GPHN: variants seen among roughly 807,000 people sequenced by gnomAD.
GPHN encodes the protein gephyrin.
A neutral mutation model predicts 95.5 loss-of-function variants in GPHN; 17 were observed. The ratio of observed to expected loss-of-function variants is 0.18; its 90% CI spans 0.12 to 0.27. The LOEUF (loss-of-function observed/expected upper bound fraction) is 0.27, where lower values mean the gene tolerates loss of function less well. Ranked by LOEUF, GPHN falls within the 10% of genes least tolerant of loss-of-function variation. GPHN has a pLI of 1.00. For missense variants in GPHN, 660 were observed against 978.1 expected, an observed-to-expected ratio of 0.67 and a Z score of 4.34; for synonymous variants, 320 against 322.5, an observed-to-expected ratio of 0.99 and a Z score of 0.08.
chr14:67,018,544 A>G (rs1047012975), intron 9 of GPHN, among the ~76,000 whole-genome samples: 1 of 152,224 alleles, frequency 6.6e-6, no homozygotes, highest in African/African-American at 2.4e-5. Context: ...GCCTTAGATT[A>G]TATGGCTTGC....
the GPHN span, among the ~76,000 whole-genome samples, chr14:67,321,465 T>C: frequency 3.3e-5 from 5 of 152,184 alleles, no homozygotes; most frequent in African/African-American, 4.8e-5. Context: ...TACTTACATA[T>C]ACAGGTTGAC....
the GPHN span, among the ~76,000 whole-genome samples, chr14:67,354,502 C>T: frequency 6.6e-6 from 1 of 152,036 alleles, no homozygotes; most frequent in East Asian, 1.9e-4. Flanking sequence ...AAAACACGTG[C>T]AAGGTTTAAA....
chr14:66,945,555 A>G (rs2153575675), intron 8 of GPHN, among the ~76,000 whole-genome samples: 1 of 152,352 alleles, frequency 6.6e-6, no homozygotes, highest in African/African-American at 2.4e-5. Context: ...GTACACCGGA[A>G]TCTCAGAAAT....
chr14:67,301,936 C>T, the GPHN span: 1 of 1,569,468 alleles, frequency 6.4e-7, no homozygotes, highest in Non-Finnish European at 8.6e-7. Context: ...ATAAATCATG[C>T]TGTTACTTAA....
the GPHN span, among the ~76,000 whole-genome samples, chr14:67,217,185 C>T: frequency 2.6e-5 from 4 of 150,990 alleles, no homozygotes; most frequent in African/African-American, 7.3e-5. Flanking sequence ...TTTACAGTTT[C>T]TGACATAAAT....
At chr14:67,026,152 G>A (rs1018378867) in intron 10 of GPHN, among the ~76,000 whole-genome samples, 3 of 152,108 alleles carry the variant, frequency 2.0e-5, no homozygotes, top group Admixed American at 2.0e-4. Context: ...GTATCTCTAT[G>A]CCTCACTTTC....
At chr14:67,288,512 A>G in the GPHN span, among the ~76,000 whole-genome samples, 1 of 152,194 alleles carries the variant, frequency 6.6e-6, no homozygotes, top group African/African-American at 2.4e-5. Flanking sequence ...TTACGAAGAA[A>G]ATTGTTTTAA....
intron 4 of GPHN, among the ~76,000 whole-genome samples, chr14:66,871,573 A>G (rs2063435257): frequency 6.6e-6 from 1 of 152,242 alleles, no homozygotes; most frequent in Non-Finnish European, 1.5e-5. Flanking sequence ...GTAAGTCTCA[A>G]AATCATAACA....
At chr14:66,691,270 C>T (rs891015871) in intron 2 of GPHN, among the ~76,000 whole-genome samples, 4 of 151,962 alleles carry the variant, frequency 2.6e-5, no homozygotes, top group Non-Finnish European at 2.9e-5. Context: ...CTGCAACGAC[C>T]GCCTCCTGGG....
chr14:67,502,975 C>T, the GPHN span, among the ~76,000 whole-genome samples: 1 of 152,032 alleles, frequency 6.6e-6, no homozygotes, highest in African/African-American at 2.4e-5. Context: ...ATATTAAAAA[C>T]TGAAGGGATA....
chr14:67,662,469 G>A, the GPHN span: 11 of 1,612,270 alleles, frequency 6.8e-6, no homozygotes, highest in Non-Finnish European at 5.1e-6. Context: ...TTTGTTCCTT[G>A]TTCTCACCGT....
chr14:67,124,694 A>T (rs372296936), intron 17 of GPHN, among the ~76,000 whole-genome samples: 31 of 152,280 alleles, frequency 2.0e-4, no homozygotes, highest in African/African-American at 7.2e-4. Flanking sequence ...CTCTGGCCCT[A>T]CCTCTAAGTG....
chr14:66,586,546 T>C (rs2061428453), intron 1 of GPHN, among the ~76,000 whole-genome samples: 1 of 152,228 alleles, frequency 6.6e-6, no homozygotes, highest in Admixed American at 6.5e-5. Flanking sequence ...TTTCCATATT[T>C]AGTGCTTCCT....
At chr14:66,770,501 T>G (rs1223274317) in intron 2 of GPHN, among the ~76,000 whole-genome samples, 2 of 152,160 alleles carry the variant, frequency 1.3e-5, no homozygotes, top group African/African-American at 4.8e-5. Context: ...ATGAAACCTA[T>G]AAACCATGAA....
chr14:66,773,546 G>T lies in GPHN; in HGVS notation c.144-2918G>T, dbSNP rs900483955. 2.0e-5 allele frequency among the ~76,000 whole-genome samples: 3 copies of T among 152,010 alleles called. No individual in the cohort carries two copies. The South Asian group carries it at 6.2e-4, about 32-fold the overall frequency. On this transcript the variant is annotated intron_variant, in intron 2 of 22. Transcript: ENST00000478722. Reference sequence around the variant, plus strand: ...TTTTTGTATTTTTAGTAGAGACGGGGTTTCACCATGTTGGTCAGGCTGGTC... The same window carrying T: ...TTTTTGTATTTTTAGTAGAGACGGGTTTTCACCATGTTGGTCAGGCTGGTC...
the GPHN span, chr14:67,201,808 A>T: frequency 3.8e-6 from 1 of 263,320 alleles, no homozygotes; most frequent in Middle Eastern, 1.4e-3. Context: ...TTTTAATTGA[A>T]CCAATTATCA....
intron 5 of GPHN, among the ~76,000 whole-genome samples, chr14:66,912,930 C>G (rs2065739813): frequency 6.6e-6 from 1 of 152,120 alleles, no homozygotes; most frequent in African/African-American, 2.4e-5. Flanking sequence ...AGTACCAAAA[C>G]TCAAGCACAG....
chr14:67,644,215 CAAG>C, the GPHN span, among the ~76,000 whole-genome samples: 12 of 152,314 alleles, frequency 7.9e-5, no homozygotes, highest in African/African-American at 2.6e-4. Context: ...TGAACATTTT[CAAG>C]AAGAGCCATT....
At chr14:67,147,601 G>A (rs1033591568) in intron 18 of GPHN, among the ~76,000 whole-genome samples, 35 of 151,978 alleles carry the variant, frequency 2.3e-4, no homozygotes, top group African/African-American at 2.4e-4. Context: ...CAGTACTGCC[G>A]TCATAGTTGA....
Sources: gnomAD v4.1 joint callset for allele counts (sites outside exome capture counted in the v4.1 genomes callset) on GRCh38, gnomAD v4.1.1 for gene constraint, MANE v1.5 for transcripts, NCBI Gene and HGNC (gene_info 2026-07-23, HGNC 2026-07-21) for gene names.